The following MAP3K7CL variants were observed in gnomAD, a reference collection of about 807,000 sequenced individuals.
MAP3K7CL encodes MAP3K7 C-terminal like, also known as MAP3K7 C-terminal-like protein.
In MAP3K7CL, 16 loss-of-function variants were observed where a neutral mutation model predicts 18.6. The observed-to-expected ratio is 0.86, with a 90% confidence interval of 0.58 to 1.31. MAP3K7CL has a LOEUF of 1.31. Ranked by LOEUF, MAP3K7CL falls within the 50% of genes most tolerant of loss-of-function variation. MAP3K7CL has a pLI of 0.00. For synonymous variants in MAP3K7CL, 65 were observed against 66.8 expected, an observed-to-expected ratio of 0.97 and a Z score of 0.13; for missense variants, 163 against 174.4, an observed-to-expected ratio of 0.93 and a Z score of 0.37.
intron 1 of MAP3K7CL, among the ~76,000 whole-genome samples, chr21:29,089,617 A>G (rs892119226): frequency 1.3e-5 from 2 of 152,152 alleles, no homozygotes; most frequent in Non-Finnish European, 2.9e-5. Flanking sequence ...TTATTTCTTT[A>G]CTTTGTCTGC....
intron 1 of MAP3K7CL, chr21:29,091,472 T>C: frequency 1.5e-6 from 1 of 660,826 alleles, no homozygotes; most frequent in South Asian, 1.7e-5. Flanking sequence ...TTTTCTTTTC[T>C]TTTTTTCTTT....
chr21:29,109,259 C>T (rs1009857769), intron 4 of MAP3K7CL: 3 of 1,533,740 alleles, frequency 2.0e-6, no homozygotes, highest in South Asian at 1.2e-5. Flanking sequence ...TATATACAAC[C>T]AGATAGTGCA....
intron 4 of MAP3K7CL, among the ~76,000 whole-genome samples, chr21:29,113,879 A>G (rs2086461535): frequency 6.6e-6 from 1 of 152,024 alleles, no homozygotes. Flanking sequence ...AGTGTTGCTC[A>G]TATGGTTCTG....
At chr21:29,109,919 A>G (rs1355246576) in intron 4 of MAP3K7CL, 1 of 404,054 alleles carries the variant, frequency 2.5e-6, no homozygotes, top group Non-Finnish European at 3.4e-6. Flanking sequence ...GAAGACATTA[A>G]TCTAGCAATG....
rs534996246 is a variant in MAP3K7CL, at chr21:29,142,217, A to C, written c.71-6972A>C. On this transcript the variant is annotated intron_variant, in intron 2 of 4. Transcript: ENST00000399928. ...GTAGCTGGGACGTCAGGTGTGCGCCACCATGCCCGGCTAATTGTTTTGTAT... is the reference window on the plus strand; with the variant it reads ...GTAGCTGGGACGTCAGGTGTGCGCCCCCATGCCCGGCTAATTGTTTTGTAT... Among the ~76,000 whole-genome samples the C allele has an allele frequency of 3.9e-5, 6 of 152,182 alleles. No individual in the cohort carries two copies. In the South Asian group the frequency reaches 1.2e-3, roughly 32 times the overall value.
chr21:29,136,537 T>TA (rs11452292), intron 2 of MAP3K7CL, among the ~76,000 whole-genome samples: 50,063 of 151,818 alleles, frequency 0.33, 8,364 homozygotes, highest in Non-Finnish European at 0.35. Context: ...ATTTTATTTT[T>TA]TTTTTGAGAC....
chr21:29,094,550 G>C (rs1964410906), intron 4 of MAP3K7CL, among the ~76,000 whole-genome samples: 2 of 152,312 alleles, frequency 1.3e-5, no homozygotes, highest in Admixed American at 1.3e-4. Flanking sequence ...AGACTACTTT[G>C]CTTAGCCTAC....
Position 29,153,408 on chromosome 21 carries a change from C to A in MAP3K7CL, c.132+4158C>A, listed in dbSNP as rs150852248. ...TAGTCAGAAGAAAGGACGCCCAATT[C>A]TATGTCCATTTCTAAGAATGAATGA... On this transcript the variant is annotated intron_variant, in intron 3 of 4. Coordinates refer to ENST00000399928, the MANE Select transcript of MAP3K7CL (RefSeq NM_001286620.2). Among the ~76,000 whole-genome samples the A allele has an allele frequency of 5.7e-4, 87 of 152,250 alleles. 1 individual carries two copies. Among genetic ancestry groups the A allele is most frequent in the African/African-American group, 1.9e-3 (80 of 41,558 alleles).
chr21:29,152,275 G>A (rs1269478244), intron 3 of MAP3K7CL, among the ~76,000 whole-genome samples: 1 of 152,220 alleles, frequency 6.6e-6, no homozygotes, highest in Non-Finnish European at 1.5e-5. Flanking sequence ...TCTAAAAGCA[G>A]ATTTTTATTT....
In MAP3K7CL at chr21:29,141,028, C is replaced by T. The variant is rs118040173; in HGVS notation, c.70+7614C>T. Among the ~76,000 whole-genome samples the T allele has an allele frequency of 3.8e-3, 585 of 152,312 alleles. 9 individuals are homozygous for T. In the East Asian group the frequency reaches 0.065, roughly 17 times the overall value. On this transcript the variant is annotated intron_variant, in intron 2 of 4. Transcript: ENST00000399928. ...CTGGGCTCAAGCAATCCACTCACGTCAGCCTCCCAAAGTGCTGAGATTATG... is the reference window on the plus strand; with the variant it reads ...CTGGGCTCAAGCAATCCACTCACGTTAGCCTCCCAAAGTGCTGAGATTATG...
exon 1 of MAP3K7CL, chr21:29,085,864 G>A (rs2085916347): frequency 6.2e-7 from 1 of 1,614,006 alleles, no homozygotes; most frequent in African/African-American, 1.3e-5. Flanking sequence ...CGACTAGATG[G>A]TTCAGCTGAT....
At position 29,159,931 on chromosome 21, in the gene MAP3K7CL, G is replaced by A; in HGVS notation, c.133-10G>A. 1 of 1,607,474 alleles carries A rather than the reference G, an allele frequency of 6.2e-7. No individual in the cohort carries two copies. The highest frequency in any genetic ancestry group is 8.5e-7 in the Non-Finnish European group (1 of 1,175,254). On this transcript the variant is annotated splice_polypyrimidine_tract_variant and intron_variant, in intron 3 of 4. Transcript: ENST00000399928. ...AGAAATGGACTAATTTCTTCTTGTT[G>A]TTTGTGAAGCCCCTGCCGCCTTGTC...
At chr21:29,170,617 G>A (rs2087801574) in intron 4 of MAP3K7CL, among the ~76,000 whole-genome samples, 1 of 140,206 alleles carries the variant, frequency 7.1e-6, no homozygotes, top group Non-Finnish European at 1.6e-5. Context: ...GGGATTTAAA[G>A]CATGTCTCTC....
intron 4 of MAP3K7CL, among the ~76,000 whole-genome samples, chr21:29,124,492 G>A (rs1037466409): frequency 3.3e-5 from 5 of 150,782 alleles, no homozygotes; most frequent in African/African-American, 1.2e-4. Context: ...TAGATAAATA[G>A]ATAGCTAAAT....
rs541346215 is a variant in MAP3K7CL at position 29,124,680 on chromosome 21, T to C, written c.371-24509T>C. 1.7e-4 allele frequency among the ~76,000 whole-genome samples: 26 copies of C among 152,342 alleles called. No homozygotes were observed. The South Asian group carries it at 5.4e-3, about 32-fold the overall frequency. On this transcript the variant is annotated intron_variant, in intron 4 of 6. Transcript: ENST00000286791. ...GTATGACCCAGGAGCTAAGAATGGT[T>C]TTAATATTTTAAAATATTTGACAAA...
intron 3 of MAP3K7CL, among the ~76,000 whole-genome samples, chr21:29,155,441 G>A (rs1029432345): frequency 3.3e-5 from 5 of 152,178 alleles, no homozygotes; most frequent in African/African-American, 1.2e-4. Context: ...CGCCCGAGCC[G>A]GCTTTGCTCC....
chr21:29,139,165 C>G (rs2086948323), intron 2 of MAP3K7CL: 1 of 152,078 alleles, frequency 6.6e-6, no homozygotes, highest in Non-Finnish European at 1.5e-5. Flanking sequence ...CAATAGCTAC[C>G]TTTGAATCCA....
chr21:29,159,825 TAA>T (rs60797531), intron 3 of MAP3K7CL, 114 bp from the exon 4 acceptor site: 75,101 of 592,776 alleles, frequency 0.13, 2,004 homozygotes, highest in South Asian at 0.18. Flanking sequence ...GTTCTCACGT[TAA>T]AAAAAAAAAA....
At chr21:29,126,143 G>C (rs151225865), upstream of MAP3K7CL, among the ~76,000 whole-genome samples, 4 of 152,330 alleles carry the variant, frequency 2.6e-5, no homozygotes, top group Non-Finnish European at 4.4e-5. Flanking sequence ...ACGGCACTGT[G>C]GGGGGAGCTG....
Sources: gnomAD v4.1 joint callset for allele counts (sites outside exome capture counted in the v4.1 genomes callset) on GRCh38, gnomAD v4.1.1 for gene constraint, MANE v1.5 for transcripts, NCBI Gene and HGNC (gene_info 2026-07-23, HGNC 2026-07-21) for gene names.